The following PDE4D variants were observed in gnomAD, a reference collection of about 807,000 sequenced individuals.
The protein encoded by PDE4D is 3',5'-cyclic-AMP phosphodiesterase 4D.
In PDE4D, 24 loss-of-function variants were observed where a neutral mutation model predicts 87.4. That is an observed-to-expected ratio of 0.27 (90% confidence interval 0.20 to 0.39). The LOEUF is 0.39. PDE4D is among the 10% of genes least tolerant of loss of function. The probability of loss-of-function intolerance (pLI) is 1.00; values close to 1 mark genes in which losing one functional copy is unlikely to be tolerated. For synonymous variants in PDE4D, 384 were observed against 383.2 expected, an observed-to-expected ratio of 1.00 and a Z score of -0.02; for missense variants, 714 against 1,041.0, an observed-to-expected ratio of 0.69 and a Z score of 4.32.
At chr5:60,135,920 A>G (rs796884604) in intron 2 of PDE4D, among the ~76,000 whole-genome samples, 14 of 152,278 alleles carry the variant, frequency 9.2e-5, no homozygotes, top group African/African-American at 3.4e-4. Flanking sequence ...CTTCTTTGAC[A>G]ATAGACCTTC....
At chr5:59,817,539 A>G (rs573086370) in intron 1 of PDE4D, among the ~76,000 whole-genome samples, 3 of 152,330 alleles carry the variant, frequency 2.0e-5, no homozygotes, top group African/African-American at 7.2e-5. Flanking sequence ...GTTCCCATCA[A>G]TTCATATATT....
intron 1 of PDE4D, among the ~76,000 whole-genome samples, chr5:59,443,252 C>T (rs145320484): frequency 7.2e-5 from 11 of 152,076 alleles, no homozygotes; most frequent in Admixed American, 5.2e-4. Flanking sequence ...TCCAGGCAGA[C>T]GACAGAATGC....
intron 1 of PDE4D, among the ~76,000 whole-genome samples, chr5:60,205,006 G>T (rs2149555017): frequency 6.6e-6 from 1 of 152,216 alleles, no homozygotes; most frequent in Non-Finnish European, 1.5e-5. Flanking sequence ...TTATCTGTGG[G>T]GATTATTATT....
rs141017260 is a variant in PDE4D at position 59,836,336 on chromosome 5, C to T, written c.455+56832G>A. Among the ~76,000 whole-genome samples the T allele has an allele frequency of 4.8e-3, 732 of 152,018 alleles. 13 individuals carry two copies. Among genetic ancestry groups the T allele is most frequent in the African/African-American group, 0.017 (708 of 41,500 alleles). On this transcript the variant is annotated intron_variant, in intron 1 of 14. Coordinates refer to ENST00000340635, the MANE Select transcript of PDE4D (RefSeq NM_001104631.2). Reference sequence around the variant, plus strand: ...ATCTGTATCTCTAATTTTTCTTCAACAAATATGTATTTCTTTGGAGTAAAA... The same window carrying T: ...ATCTGTATCTCTAATTTTTCTTCAATAAATATGTATTTCTTTGGAGTAAAA...
intron 1 of PDE4D, among the ~76,000 whole-genome samples, chr5:59,397,078 A>G (rs1482618513): frequency 7.6e-6 from 1 of 131,524 alleles, no homozygotes; most frequent in Non-Finnish European, 1.6e-5. Flanking sequence ...AGATTCATAA[A>G]GCAAGTCCTG....
At chr5:59,052,915 A>T (rs903480537) in intron 5 of PDE4D, among the ~76,000 whole-genome samples, 5 of 152,204 alleles carry the variant, frequency 3.3e-5, no homozygotes, top group African/African-American at 1.2e-4. Context: ...CATGTAAAAT[A>T]TAAGAGCTGC....
intron 1 of PDE4D, among the ~76,000 whole-genome samples, chr5:59,859,102 T>G (rs552736074): frequency 6.6e-6 from 1 of 152,178 alleles, no homozygotes; most frequent in Non-Finnish European, 1.5e-5. Flanking sequence ...ATTATAATCT[T>G]TAGTAAGTAT....
intron 3 of PDE4D, among the ~76,000 whole-genome samples, chr5:59,944,585 A>G (rs996986579): frequency 2.0e-5 from 3 of 152,026 alleles, no homozygotes; most frequent in Middle Eastern, 3.4e-3. Context: ...GTTAGCCACA[A>G]TGGTCTCGAT....
chr5:60,167,649 T>C (rs1659097178), intron 2 of PDE4D, among the ~76,000 whole-genome samples: 2 of 152,344 alleles, frequency 1.3e-5, no homozygotes, highest in South Asian at 4.1e-4. Flanking sequence ...CTAGGATTTC[T>C]GTTTAATTTT....
intron 2 of PDE4D, among the ~76,000 whole-genome samples, chr5:59,211,725 TTGA>T (rs1313741924): frequency 6.6e-6 from 1 of 152,084 alleles, no homozygotes; most frequent in Admixed American, 6.6e-5. Context: ...CTTGGGAAAG[TTGA>T]TGATATACAC....
chr5:59,009,390 T>C (rs190345862), intron 6 of PDE4D, among the ~76,000 whole-genome samples: 53 of 151,980 alleles, frequency 3.5e-4, no homozygotes, highest in Non-Finnish European at 5.7e-4. Flanking sequence ...AAAAATGAAA[T>C]ACTAAAAAGC....
At chr5:59,402,697 C>G (rs192995335) in intron 1 of PDE4D, among the ~76,000 whole-genome samples, 1 of 152,148 alleles carries the variant, frequency 6.6e-6, no homozygotes, top group Non-Finnish European at 1.5e-5. Context: ...AACTAACCCA[C>G]ACACCCCAAA....
chr5:58,974,745 C>CTGT lies in PDE4D; in HGVS notation c.2346_2348dup (p.Gln783dup), dbSNP rs755991480. The CTGT allele has an allele frequency of 3.1e-6, 5 of 1,613,588 alleles. No individual in the cohort carries two copies. In the Admixed American group the frequency reaches 8.3e-5, roughly 27 times the overall value. On this transcript the variant is annotated inframe_insertion, in exon 15 of 15. Coordinates refer to ENST00000340635, the MANE Select transcript of PDE4D (RefSeq NM_001104631.2). Reference sequence around the variant, plus strand: ...CTTCCCCTACTGCCTCCTCTTCAACCTGTTCATCAAGGGGAATTTCAGTAG... The same window carrying CTGT: ...CTTCCCCTACTGCCTCCTCTTCAACCTGTTGTTCATCAAGGGGAATTTCAGTAG...
chr5:59,223,006 C>A (rs1419939148), intron 1 of PDE4D, among the ~76,000 whole-genome samples: 1 of 152,070 alleles, frequency 6.6e-6, no homozygotes, highest in Non-Finnish European at 1.5e-5. Context: ...TTTATTTGAA[C>A]ACATGGCTTT....
At chr5:60,278,818 A>G (rs950996088) in intron 1 of PDE4D, among the ~76,000 whole-genome samples, 1 of 152,068 alleles carries the variant, frequency 6.6e-6, no homozygotes, top group Non-Finnish European at 1.5e-5. Flanking sequence ...AAAGGTGTTC[A>G]GATTTGCTCA....
chr5:59,792,731 G>C (rs1765955902), intron 1 of PDE4D, among the ~76,000 whole-genome samples: 1 of 152,156 alleles, frequency 6.6e-6, no homozygotes, highest in East Asian at 1.9e-4. Flanking sequence ...TAAGAAGATG[G>C]GTTTGGCATC....
intron 1 of PDE4D, among the ~76,000 whole-genome samples, chr5:59,621,953 T>A (rs1830396184): frequency 6.6e-6 from 1 of 152,208 alleles, no homozygotes; most frequent in Non-Finnish European, 1.5e-5. Flanking sequence ...GTTCAGTATA[T>A]TTATACGTTA....
At chr5:59,012,867 A>T (rs1753117111) in intron 6 of PDE4D, among the ~76,000 whole-genome samples, 1 of 152,194 alleles carries the variant, frequency 6.6e-6, no homozygotes, top group Non-Finnish European at 1.5e-5. Context: ...TCAGCACCAC[A>T]TCACAGTTAT....
At chr5:60,122,739 C>T (rs1362269390) in intron 2 of PDE4D, among the ~76,000 whole-genome samples, 1 of 152,216 alleles carries the variant, frequency 6.6e-6, no homozygotes, top group East Asian at 1.9e-4. Context: ...GCTTAACATT[C>T]GGCCTCTCGT....
Sources: allele counts gnomAD v4.1 joint callset (sites outside exome capture counted in the v4.1 genomes callset), GRCh38; gene constraint gnomAD v4.1.1; transcripts MANE v1.5; gene names NCBI Gene and HGNC (gene_info 2026-07-23, HGNC 2026-07-21).